SIPA1L3: variants seen among roughly 807,000 people sequenced by gnomAD.
The protein encoded by SIPA1L3 is signal induced proliferation associated 1 like 3, also known as signal-induced proliferation-associated 1-like protein 3.
A neutral mutation model predicts 150.1 loss-of-function variants in SIPA1L3; 59 were observed. The ratio of observed to expected loss-of-function variants is 0.39; its 90% CI spans 0.32 to 0.49. SIPA1L3 has a LOEUF of 0.49. Among genes scored for constraint, SIPA1L3 ranks in the 20% least tolerant of loss-of-function variants. The pLI, the probability that SIPA1L3 is intolerant of heterozygous loss-of-function variation, is 0.86. For missense variants in SIPA1L3, 2,211 were observed against 2,489.5 expected (o/e 0.89, Z 2.38); for synonymous variants, 1,070 against 1,077.6 (o/e 0.99, Z 0.14).
chr19:38,156,174 G>A (rs1024073097), intron 13 of SIPA1L3, among the ~76,000 whole-genome samples: 4 of 152,150 alleles, frequency 2.6e-5, no homozygotes, highest in African/African-American at 7.2e-5. Context: ...CAGGGTGTGC[G>A]TGGTTTGCTC....
At chr19:38,006,530 G>A (rs1001290081) in intron 1 of SIPA1L3, among the ~76,000 whole-genome samples, 2 of 152,186 alleles carry the variant, frequency 1.3e-5, no homozygotes, top group Non-Finnish European at 2.9e-5. Context: ...AACAGGAAAT[G>A]CGTCTCAGAC....
At chr19:38,014,860 G>A (rs569668938) in intron 1 of SIPA1L3, among the ~76,000 whole-genome samples, 6 of 151,868 alleles carry the variant, frequency 4.0e-5, no homozygotes, top group Non-Finnish European at 7.4e-5. Context: ...TAGTAGAGAC[G>A]GGGTTTCACT....
chr19:38,071,201 T>TTATCTATCTATCTATCTATCTATC, intron 2 of SIPA1L3, among the ~76,000 whole-genome samples: 1 of 142,266 alleles, frequency 7.0e-6, no homozygotes, highest in South Asian at 2.4e-4. Flanking sequence ...TTATGTTGTT[T>TTATCTATCTATCTATCTATCTATC]TATCTATCTA....
At chr19:38,063,889 G>A (rs1044899067) in intron 2 of SIPA1L3, among the ~76,000 whole-genome samples, 3 of 152,236 alleles carry the variant, frequency 2.0e-5, no homozygotes, top group African/African-American at 7.2e-5. Context: ...TTGATCATGA[G>A]CCTGGCTGGA....
chr19:37,989,859 A>G (rs571874751), intron 1 of SIPA1L3, among the ~76,000 whole-genome samples: 28 of 151,980 alleles, frequency 1.8e-4, no homozygotes, highest in Non-Finnish European at 3.5e-4. Context: ...AACTCCCTAC[A>G]TCATTGCACT....
At chr19:38,100,201 C>A in intron 5 of SIPA1L3, 51 bp downstream of exon 5, 1 of 1,357,054 alleles carries the variant, frequency 7.4e-7, no homozygotes, top group Non-Finnish European at 9.8e-7. Context: ...ACCTTGCAAC[C>A]CCACTCCTGG....
At position 38,154,298 on chromosome 19, in the gene SIPA1L3, G is replaced by T. The variant is rs151259744; in HGVS notation, c.3661+1331G>T. 6.6e-5 allele frequency among the ~76,000 whole-genome samples: 10 copies of T among 152,258 alleles called. No homozygotes were observed. In the East Asian group the frequency reaches 1.5e-3, roughly 23 times the overall value. On this transcript the variant is annotated intron_variant, in intron 13 of 21. Transcript: ENST00000222345. The stretch of plus-strand genomic sequence containing the variant: ...CACATCTTGGTGTTGATAGACATTT[G>T]GGTTGTTTGCAGTTGGGCTGCCTAG...
intron 10 of SIPA1L3, among the ~76,000 whole-genome samples, chr19:38,140,112 G>A (rs956141018): frequency 6.6e-6 from 1 of 152,224 alleles, no homozygotes; most frequent in Non-Finnish European, 1.5e-5. Flanking sequence ...TGAACGGGGT[G>A]GCTCCAGGGA....
intron 1 of SIPA1L3, among the ~76,000 whole-genome samples, chr19:37,938,206 T>G (rs1436441253): frequency 1.3e-5 from 2 of 152,170 alleles, no homozygotes. Context: ...ATATACCATG[T>G]TTTTGTTTTA....
chr19:38,058,293 C>A (rs539680080), intron 2 of SIPA1L3, among the ~76,000 whole-genome samples: 6 of 152,190 alleles, frequency 3.9e-5, no homozygotes, highest in Non-Finnish European at 8.8e-5. Flanking sequence ...TAACTAGAGC[C>A]TTTCTAGAGC....
intron 8 of SIPA1L3, among the ~76,000 whole-genome samples, chr19:38,117,308 G>C (rs1970909191): frequency 6.6e-6 from 1 of 152,150 alleles, no homozygotes; most frequent in African/African-American, 2.4e-5. Context: ...ACAGATCCCA[G>C]TCCGCTCGCT....
intron 1 of SIPA1L3, among the ~76,000 whole-genome samples, chr19:37,978,874 C>T (rs1045980507): frequency 1.3e-5 from 2 of 152,014 alleles, no homozygotes; most frequent in African/African-American, 4.8e-5. Flanking sequence ...ACTCGGGAGG[C>T]TGAGGTGGGA....
chr19:38,184,562 G>A (rs1181589193), intron 16 of SIPA1L3: 1 of 152,332 alleles, frequency 6.6e-6, no homozygotes, highest in African/African-American at 2.4e-5. Context: ...CAGAGCCCAG[G>A]AAGCCTGGGT....
chr19:38,018,027 G>A (rs982329794), intron 1 of SIPA1L3, among the ~76,000 whole-genome samples: 1 of 151,666 alleles, frequency 6.6e-6, no homozygotes, highest in Non-Finnish European at 1.5e-5. Context: ...CAGCCACATG[G>A]GCTCCCTGCG....
chr19:38,071,265 C>CTATT lies in SIPA1L3; in HGVS notation c.-310-9990_-310-9989insATTT, dbSNP rs1269887866. ...TCTATCTATCTATCTATCTATCTAT[C>CTATT]TGCCTGCCTACCCTACCTACCTGCC... On this transcript the variant is annotated intron_variant, in intron 2 of 21. Transcript: ENST00000222345. Among the ~76,000 whole-genome samples the CTATT allele has an allele frequency of 4.6e-5, 7 of 151,826 alleles. No individual in the cohort carries two copies. The South Asian group carries it at 8.4e-4, about 18-fold the overall frequency.
At chr19:38,053,078 A>T (rs889292739) in intron 2 of SIPA1L3, among the ~76,000 whole-genome samples, 7 of 152,258 alleles carry the variant, frequency 4.6e-5, no homozygotes, top group African/African-American at 1.7e-4. Flanking sequence ...CTCAGCTGGC[A>T]TCAGGCAAGT....
At chr19:37,968,870 T>C (rs2046928344) in intron 1 of SIPA1L3, among the ~76,000 whole-genome samples, 1 of 152,214 alleles carries the variant, frequency 6.6e-6, no homozygotes, top group Non-Finnish European at 1.5e-5. Context: ...CTGTTAACCA[T>C]TGCTATGACC....
chr19:37,989,062 C>CG (rs1599872839), intron 1 of SIPA1L3, among the ~76,000 whole-genome samples: 3 of 152,260 alleles, frequency 2.0e-5, no homozygotes, highest in East Asian at 3.9e-4. Flanking sequence ...GTCTGCTTTC[C>CG]TGTGGTTTCC....
intron 6 of SIPA1L3, among the ~76,000 whole-genome samples, chr19:38,103,088 A>C (rs762079197): frequency 6.6e-6 from 1 of 150,808 alleles, no homozygotes; most frequent in Non-Finnish European, 1.5e-5. Context: ...GCACCATTGC[A>C]CTCCAGCCTG....
Sources: gnomAD v4.1 joint callset for allele counts (sites outside exome capture counted in the v4.1 genomes callset) on GRCh38, gnomAD v4.1.1 for gene constraint, MANE v1.5 for transcripts, NCBI Gene and HGNC (gene_info 2026-07-23, HGNC 2026-07-21) for gene names.